The following CCDC141 variants were observed in gnomAD, a reference collection of about 807,000 sequenced individuals.
The protein encoded by CCDC141 is coiled-coil domain containing 141, also known as coiled-coil domain-containing protein 141.
A neutral mutation model predicts 181.0 loss-of-function variants in CCDC141; 168 were observed. That is an observed-to-expected ratio of 0.93 (90% CI 0.82 to 1.05). The LOEUF (loss-of-function observed/expected upper bound fraction) is 1.05. CCDC141 is among the 50% of genes least tolerant of loss of function. The pLI is 0.00. For missense variants in CCDC141, 1,902 were observed against 1,788.5 expected (o/e 1.06, Z -1.14); for synonymous variants, 666 against 642.3 (o/e 1.04, Z -0.56).
At chr2:178,917,580 C>CT (rs1688507612) in intron 7 of CCDC141, among the ~76,000 whole-genome samples, 1 of 152,084 alleles carries the variant, frequency 6.6e-6, no homozygotes, top group African/African-American at 2.4e-5. Context: ...CCACATTGTC[C>CT]GTTTTGAAAA....
intron 8 of CCDC141, among the ~76,000 whole-genome samples, chr2:178,893,251 G>T (rs1056207580): frequency 6.0e-5 from 9 of 150,496 alleles, no homozygotes; most frequent in Non-Finnish European, 1.2e-4. Flanking sequence ...GAGCACAGAC[G>T]TATTGACTTC....
chr2:179,000,987 A>T (rs1298819569), intron 2 of CCDC141, among the ~76,000 whole-genome samples: 1 of 152,196 alleles, frequency 6.6e-6, no homozygotes, highest in Non-Finnish European at 1.5e-5. Context: ...CAGATGCATG[A>T]GGAGTGAATA....
At chr2:178,989,445 T>G (rs1242847227) in intron 2 of CCDC141, among the ~76,000 whole-genome samples, 1 of 151,282 alleles carries the variant, frequency 6.6e-6, no homozygotes, top group Admixed American at 6.6e-5. Context: ...AATTCAAAAA[T>G]TAGCCAGGTG....
intron 1 of CCDC141, among the ~76,000 whole-genome samples, chr2:179,049,459 A>T (rs1016867945): frequency 6.6e-6 from 1 of 152,120 alleles, no homozygotes; most frequent in Non-Finnish European, 1.5e-5. Context: ...CAAAAATCAC[A>T]AGCATTCCAC....
rs141681865 is a variant in CCDC141 at position 178,998,792 on chromosome 2, C to G, written c.226-20117G>C. 2.0e-3 allele frequency among the ~76,000 whole-genome samples: 308 copies of G among 152,126 alleles called. 2 individuals are homozygous for G. The highest frequency in any genetic ancestry group is 3.4e-3 in the Middle Eastern group (1 of 294). On this transcript the variant is annotated intron_variant, in intron 2 of 23. Transcript: ENST00000443758. Reference sequence around the variant, plus strand: ...ATATCACGGTCTTTGATGTCTTCTTCTCAAGCAAGTGTCAATGGTGGGTCT... The same window carrying G: ...ATATCACGGTCTTTGATGTCTTCTTGTCAAGCAAGTGTCAATGGTGGGTCT...
At chr2:178,829,013 G>T (rs1684170281), downstream of CCDC141, among the ~76,000 whole-genome samples, 2 of 152,126 alleles carry the variant, frequency 1.3e-5, no homozygotes, top group South Asian at 4.1e-4. Flanking sequence ...TACAAGTATT[G>T]ATGTTTACAT....
chr2:178,947,843 G>A (rs905728530), intron 5 of CCDC141, among the ~76,000 whole-genome samples: 8 of 152,158 alleles, frequency 5.3e-5, no homozygotes, highest in African/African-American at 9.6e-5. Flanking sequence ...CATGCTCCAC[G>A]TGTAAAGCAC....
chr2:178,820,582 T>C, the CCDC141 span, among the ~76,000 whole-genome samples: 152,128 of 152,308 alleles, frequency 1, 75,974 homozygotes, highest in Non-Finnish European at 1. Flanking sequence ...ATTCTATTTG[T>C]AATTACTTTA....
intron 2 of CCDC141, among the ~76,000 whole-genome samples, chr2:178,998,061 G>T (rs1165841399): frequency 6.6e-6 from 1 of 152,066 alleles, no homozygotes; most frequent in Non-Finnish European, 1.5e-5. Flanking sequence ...TCTCATTTTT[G>T]CATGTCTTAT....
At chr2:178,821,283 A>C in the CCDC141 span, among the ~76,000 whole-genome samples, 3 of 152,198 alleles carry the variant, frequency 2.0e-5, no homozygotes, top group Non-Finnish European at 4.4e-5. Context: ...TTATTGAATA[A>C]ATAGAATTTG....
intron 12 of CCDC141, chr2:178,876,400 C>A (rs1686360157): frequency 1.3e-5 from 2 of 152,178 alleles, no homozygotes; most frequent in Admixed American, 1.3e-4. Flanking sequence ...GCAATAAGTT[C>A]ATTACTTATC....
intron 1 of CCDC141, among the ~76,000 whole-genome samples, chr2:179,048,626 G>A: frequency 6.6e-6 from 1 of 152,134 alleles, no homozygotes. Flanking sequence ...TTAACTCAAA[G>A]TATCATTAAT....
chr2:178,941,794 A>AT (rs1012305436), intron 6 of CCDC141, among the ~76,000 whole-genome samples: 3 of 150,734 alleles, frequency 2.0e-5, no homozygotes, highest in African/African-American at 7.3e-5. Context: ...CTCTACAAAA[A>AT]AAAAATAAAA....
Position 178,978,482 on chromosome 2 carries a change from AC to A in CCDC141, c.417+1del. ...AAGGGAGAAGTTTTTTAAAGTACAA[AC>A]CTCTAAGGCATTTTCAAAAAATTCA... On this transcript the variant is annotated splice_donor_variant, in intron 3 of 23. Coordinates refer to ENST00000443758, the MANE Select transcript of CCDC141 (RefSeq NM_173648.4). LOFTEE classifies it high-confidence loss of function. The A allele has an allele frequency of 6.9e-7, 1 of 1,458,340 alleles. No individual in the cohort carries two copies. The highest frequency in any genetic ancestry group is 9.1e-7 in the Non-Finnish European group (1 of 1,100,612). 90.3% of individuals were successfully genotyped at this position (1,458,340 alleles called of 1,614,324 possible). A position where few individuals can be genotyped will look rare whatever the true frequency, so the allele number is the denominator to read the frequency against.
At chr2:178,911,307 TAGAC>T (rs1255578966) in intron 7 of CCDC141, among the ~76,000 whole-genome samples, 2 of 152,216 alleles carry the variant, frequency 1.3e-5, no homozygotes, top group South Asian at 2.1e-4. Context: ...TTAACTTACT[TAGAC>T]AGCACAATGT....
intron 2 of CCDC141, among the ~76,000 whole-genome samples, chr2:178,984,577 C>T (rs1292082723): frequency 3.3e-5 from 5 of 149,910 alleles, no homozygotes; most frequent in South Asian, 2.1e-4. Context: ...ACCCATCTCA[C>T]GTGCAGAGAC....
chr2:178,858,268 T>C (rs1685467417), intron 17 of CCDC141, among the ~76,000 whole-genome samples: 1 of 152,194 alleles, frequency 6.6e-6, no homozygotes, highest in African/African-American at 2.4e-5. Context: ...ATTTGTGAAA[T>C]AACTAGTAAG....
chr2:179,019,825 G>A (rs1470852270), intron 2 of CCDC141, among the ~76,000 whole-genome samples: 1 of 152,018 alleles, frequency 6.6e-6, no homozygotes, highest in Admixed American at 6.6e-5. Flanking sequence ...GGAGCGCAGT[G>A]GCATGATTAT....
At chr2:178,854,978 T>C (rs1036312328) in intron 19 of CCDC141, among the ~76,000 whole-genome samples, 25 of 152,214 alleles carry the variant, frequency 1.6e-4, no homozygotes, top group African/African-American at 6.0e-4. Context: ...TATTTTCAAG[T>C]TCTGTGAAAT....
Sources: gnomAD v4.1 joint callset for allele counts (sites outside exome capture counted in the v4.1 genomes callset) on GRCh38, gnomAD v4.1.1 for gene constraint, MANE v1.5 for transcripts, NCBI Gene and HGNC (gene_info 2026-07-23, HGNC 2026-07-21) for gene names.